The following PIK3R5 variants were observed in gnomAD, a reference collection of about 807,000 sequenced individuals.
The protein encoded by PIK3R5 is phosphoinositide-3-kinase regulatory subunit 5, also known as phosphoinositide 3-kinase regulatory subunit 5.
A neutral mutation model predicts 94.9 loss-of-function variants in PIK3R5; 32 were observed. That is an observed-to-expected ratio of 0.34 (90% CI 0.25 to 0.45). The LOEUF is 0.45. PIK3R5 is among the 20% of genes least tolerant of loss of function. The pLI is 1.00. For synonymous variants in PIK3R5, 443 were observed against 479.4 expected (o/e 0.92, Z 0.99); for missense variants, 853 against 1,144.6 (o/e 0.75, Z 3.68).
chr17:8,930,280 A>G (rs2090964566), intron 1 of PIK3R5, among the ~76,000 whole-genome samples: 1 of 152,246 alleles, frequency 6.6e-6, no homozygotes, highest in South Asian at 2.1e-4. Flanking sequence ...CTAGCAATCA[A>G]TAATAGAAAG....
intron 1 of PIK3R5, among the ~76,000 whole-genome samples, chr17:8,915,075 A>C (rs1325201893): frequency 6.6e-6 from 1 of 152,242 alleles, no homozygotes; most frequent in East Asian, 1.9e-4. Context: ...AGTCGGAGGC[A>C]GTTACTGGAA....
intron 1 of PIK3R5, among the ~76,000 whole-genome samples, chr17:8,938,587 T>C (rs2091118217): frequency 6.6e-6 from 1 of 152,208 alleles, no homozygotes; most frequent in African/African-American, 2.4e-5. Flanking sequence ...TTTGTCTTTA[T>C]GGGTTTGCTT....
intron 1 of PIK3R5, among the ~76,000 whole-genome samples, chr17:8,919,912 C>T (rs1262750103): frequency 2.8e-5 from 3 of 107,204 alleles, no homozygotes; most frequent in South Asian, 3.1e-4. Context: ...TTTTTTTGGA[C>T]GGAGTCTCGC....
At chr17:8,914,003 T>G (rs7219379) in intron 1 of PIK3R5, among the ~76,000 whole-genome samples, 1 of 152,134 alleles carries the variant, frequency 6.6e-6, no homozygotes, top group African/African-American at 2.4e-5. Context: ...CTGCCTCCCA[T>G]GGCAGCCCGA....
At chr17:8,886,404 C>T in intron 13 of PIK3R5, 73 bp downstream of exon 13, 1 of 1,601,428 alleles carries the variant, frequency 6.2e-7, no homozygotes, top group Non-Finnish European at 8.5e-7. Flanking sequence ...CCTGCTGGCT[C>T]TCCCGGGGCA....
rs190089235 is a variant in PIK3R5, at chr17:8,919,394, T to C, written c.-13-7887A>G. On this transcript the variant is annotated intron_variant, in intron 1 of 18. Coordinates refer to ENST00000447110, the MANE Select transcript of PIK3R5 (RefSeq NM_001142633.3). The stretch of plus-strand genomic sequence containing the variant: ...GATTCCCTACCTTACATGAGCTTCT[T>C]GAACATTGCTATTTCTTCTGTAGTC... Among the ~76,000 whole-genome samples the C allele has an allele frequency of 3.7e-3, 559 of 152,350 alleles. 2 individuals carry two copies. The highest frequency in any genetic ancestry group is 5.1e-3 in the Non-Finnish European group (350 of 68,036).
In PIK3R5 at chr17:8,946,218, C is replaced by T. The variant is rs1040690009; in HGVS notation, c.-14+19378G>A. ...TCTGGTGTGACTGCCAGCCCCTTAC[C>T]GAGACCAGGTCCATCTGGTGTGAGT... On this transcript the variant is annotated intron_variant, in intron 1 of 18. Transcript: ENST00000447110. 3.3e-5 allele frequency among the ~76,000 whole-genome samples: 5 copies of T among 151,984 alleles called. No homozygotes were observed. In the East Asian group the frequency reaches 7.7e-4, roughly 23 times the overall value.
At position 8,880,769 on chromosome 17, in the gene PIK3R5, C is replaced by A; in HGVS notation, c.2513G>T (p.Cys838Phe). Residue 838 changes from cysteine (C) to phenylalanine (F), a missense_variant, in exon 19 of 19, where the codon TGC (cysteine) becomes TTC (phenylalanine). Physicochemically the swap from Cys to Phe is radical, Grantham distance 205. Around this residue, in one of 6 missense-constraint regions of PIK3R5, gnomAD observed 91 missense variants for 90.5 expected, o/e 1.01. Transcript: ENST00000447110. ...GAGGTCGCTCTTCTCTGGCTTGTAG[C>A]ACGGTGAGACCTCACATCTGTGCAG... ...QSVVRCEVSP[C>F]YKPEKSDLSS... 1 of 1,613,606 alleles carries A rather than the reference C, an allele frequency of 6.2e-7. No homozygotes were observed. Among genetic ancestry groups the A allele is most frequent in the Non-Finnish European group, 8.5e-7 (1 of 1,179,714 alleles).
At chr17:8,885,918 C>T (rs1490124455) in intron 14 of PIK3R5, among the ~76,000 whole-genome samples, 3 of 140,144 alleles carry the variant, frequency 2.1e-5, no homozygotes, top group East Asian at 2.1e-4. Context: ...CCCCACCTAC[C>T]GGACAACCCC....
At chr17:8,943,923 A>T (rs969317589) in intron 1 of PIK3R5, among the ~76,000 whole-genome samples, 2 of 150,204 alleles carry the variant, frequency 1.3e-5, no homozygotes, top group African/African-American at 5.0e-5. Context: ...GCGGGGGTAC[A>T]TGTGCAGTTT....
At chr17:8,949,601 A>G (rs1396370209) in intron 1 of PIK3R5, among the ~76,000 whole-genome samples, 3 of 152,238 alleles carry the variant, frequency 2.0e-5, no homozygotes, top group East Asian at 3.8e-4. Flanking sequence ...GAATTCTGTA[A>G]TGGCATTTGC....
intron 1 of PIK3R5, among the ~76,000 whole-genome samples, chr17:8,963,003 G>T (rs2091593729): frequency 2.0e-5 from 3 of 151,934 alleles, no homozygotes; most frequent in African/African-American, 7.3e-5. Context: ...TTTTGTTTTT[G>T]TAAAGACAGG....
At chr17:8,912,946 A>G (rs990018780) in intron 1 of PIK3R5, among the ~76,000 whole-genome samples, 15 of 152,208 alleles carry the variant, frequency 9.9e-5, no homozygotes, top group African/African-American at 3.4e-4. Flanking sequence ...AGGAAGCGGC[A>G]CACGCACCTT....
rs1228304371 is a variant in PIK3R5 at position 8,896,065 on chromosome 17, T to C, written c.413-2410A>G. ...GAACACATTAGAAAAGACTGTGCAA[T>C]GTGGAGGAGGCTTTGATAATATAAG... On this transcript the variant is annotated intron_variant, in intron 5 of 18. Coordinates refer to ENST00000447110, the MANE Select transcript of PIK3R5 (RefSeq NM_001142633.3). The surrounding 1 kb of genome is among the most constrained non-coding windows in gnomAD (Gnocchi z 4.0). 6.6e-6 allele frequency among the ~76,000 whole-genome samples: 1 copy of C among 152,086 alleles called. No homozygotes were observed. The highest frequency in any genetic ancestry group is 1.5e-5 in the Non-Finnish European group (1 of 68,020).
chr17:8,883,029 A>T (rs2089718604), intron 15 of PIK3R5, among the ~76,000 whole-genome samples: 1 of 152,156 alleles, frequency 6.6e-6, no homozygotes, highest in African/African-American at 2.4e-5. Flanking sequence ...CACCACAAAC[A>T]TAAGCCCCCT....
chr17:8,905,319 G>GC (rs1442061694), intron 4 of PIK3R5, among the ~76,000 whole-genome samples: 2 of 53,826 alleles, frequency 3.7e-5, no homozygotes, highest in African/African-American at 1.1e-4. Context: ...CACATTTGAT[G>GC]CCCCCCTGTC....
At chr17:8,940,674 C>G (rs2091163204) in intron 1 of PIK3R5, among the ~76,000 whole-genome samples, 1 of 152,192 alleles carries the variant, frequency 6.6e-6, no homozygotes, top group African/African-American at 2.4e-5. Context: ...GATTCTCCTG[C>G]CTCAGCCTTC....
At chr17:8,928,486 G>GA (rs1053521301) in intron 1 of PIK3R5, among the ~76,000 whole-genome samples, 1 of 151,978 alleles carries the variant, frequency 6.6e-6, no homozygotes, top group Non-Finnish European at 1.5e-5. Flanking sequence ...TAAAGACAAA[G>GA]AAAAAATCTT....
At position 8,890,062 on chromosome 17, in the gene PIK3R5, G is replaced by A. The variant is rs1160312977; in HGVS notation, c.722C>T (p.Ser241Phe). The change falls in exon 8 of 19, where the codon TCT becomes TTT. Residue 241 changes from serine to phenylalanine, a missense_variant. Ser to Phe is a radical substitution (Grantham distance 155). Around this residue, in one of 6 missense-constraint regions of PIK3R5, gnomAD observed 161 missense variants for 249.5 expected, o/e 0.65. Coordinates refer to ENST00000447110, the MANE Select transcript of PIK3R5 (RefSeq NM_001142633.3). The surrounding 1 kb of genome is among the most constrained non-coding windows in gnomAD (Gnocchi z 6.1). ...TETAEAQELA[S>F]GIGDAAEARR... is the part of the protein sequence containing the mutation. ...GGCCTCTGCAGCATCCCCGATGCCA[G>A]ATGCCAGCTCCTGTGCCTCTGCGGT... 1 of 1,614,058 alleles carries A rather than the reference G, an allele frequency of 6.2e-7. No homozygotes were observed. The highest frequency in any genetic ancestry group is 1.1e-5 in the South Asian group (1 of 91,078).
Sources: allele counts gnomAD v4.1 joint callset (sites outside exome capture counted in the v4.1 genomes callset), GRCh38; gene constraint gnomAD v4.1.1; regional missense constraint gnomAD v4.1.1; non-coding constraint Gnocchi (gnomAD v3.1); transcripts MANE v1.5; gene names NCBI Gene and HGNC (gene_info 2026-07-23, HGNC 2026-07-21).